The following FAM149A variants were observed in gnomAD, a reference collection of about 807,000 sequenced individuals.
FAM149A encodes protein FAM149A.
A neutral mutation model predicts 78.2 loss-of-function variants in FAM149A; 71 were observed. The observed-to-expected ratio is 0.91, with a 90% CI of 0.75 to 1.11. FAM149A has a LOEUF of 1.11. Among genes scored for constraint, FAM149A ranks in the 50% least tolerant of loss-of-function variants. FAM149A has a pLI of 0.00. For synonymous variants in FAM149A, 446 were observed against 410.5 expected (o/e 1.09, Z -1.04); for missense variants, 1,036 against 971.0 (o/e 1.07, Z -0.89).
intron 1 of FAM149A, chr4:186,123,802 A>G (rs1222142265): frequency 6.1e-6 from 6 of 981,510 alleles, no homozygotes; most frequent in Non-Finnish European, 7.3e-6. Flanking sequence ...GAGTAAAATG[A>G]AATCCCAGAC....
intron 3 of FAM149A, among the ~76,000 whole-genome samples, chr4:186,151,399 A>AT (rs961296488): frequency 1.1e-4 from 16 of 151,668 alleles, no homozygotes; most frequent in Admixed American, 6.6e-4. Flanking sequence ...ATAACTAAGG[A>AT]TTTTTTTTTC....
At chr4:186,138,389 G>C (rs534697075) in intron 1 of FAM149A, among the ~76,000 whole-genome samples, 1 of 152,208 alleles carries the variant, frequency 6.6e-6, no homozygotes, top group Non-Finnish European at 1.5e-5. Context: ...TTAGCAAATA[G>C]GTGAATTTGC....
At chr4:186,158,089 C>T in intron 8 of FAM149A, 1 of 1,346,132 alleles carries the variant, frequency 7.4e-7, no homozygotes, top group Non-Finnish European at 9.8e-7. Flanking sequence ...GCAGCTCGTG[C>T]CATTGTTGCT....
chr4:186,162,546 C>T (rs1429108108), intron 8 of FAM149A, among the ~76,000 whole-genome samples: 1 of 152,186 alleles, frequency 6.6e-6, no homozygotes, highest in Non-Finnish European at 1.5e-5. Context: ...GGGCTGGTGG[C>T]GTTCCTACCC....
intron 1 of FAM149A, among the ~76,000 whole-genome samples, chr4:186,139,453 C>T (rs1367451177): frequency 6.6e-6 from 1 of 152,102 alleles, no homozygotes; most frequent in African/African-American, 2.4e-5. Context: ...GGATTCATGC[C>T]TTTATGAAGG....
chr4:186,154,834 G>A (rs775176205), intron 6 of FAM149A, 196 bp downstream of exon 6: 148 of 985,412 alleles, frequency 1.5e-4, no homozygotes, highest in Non-Finnish European at 1.7e-4. Flanking sequence ...AGCGAAGAGG[G>A]TGTTCAGTGC....
intron 8 of FAM149A, chr4:186,160,801 C>T (rs1167646469): frequency 2.1e-6 from 2 of 967,408 alleles, no homozygotes; most frequent in East Asian, 1.1e-4. Context: ...CACACACACA[C>T]ATCTCCCCAC....
chr4:186,161,388 G>A (rs1277400364), intron 8 of FAM149A, among the ~76,000 whole-genome samples: 1 of 152,158 alleles, frequency 6.6e-6, no homozygotes, highest in Non-Finnish European at 1.5e-5. Context: ...GGAGCAGTGG[G>A]GAGAACAGAG....
At chr4:186,165,644 G>A (rs1381703280) in intron 11 of FAM149A, among the ~76,000 whole-genome samples, 180 bp downstream of exon 11, 2 of 152,256 alleles carry the variant, frequency 1.3e-5, no homozygotes, top group Admixed American at 6.5e-5. Flanking sequence ...TTTACAGGGA[G>A]TGAGAGGCTT....
At chr4:186,146,438 G>A in intron 1 of FAM149A, 1 of 984,924 alleles carries the variant, frequency 1.0e-6, no homozygotes, top group Non-Finnish European at 1.2e-6. Context: ...TGGGAAGCCT[G>A]GTCCTGGAAA....
intron 8 of FAM149A, among the ~76,000 whole-genome samples, chr4:186,161,180 T>C (rs1579919552): frequency 6.6e-6 from 1 of 152,094 alleles, no homozygotes. Flanking sequence ...CCTCTGGGAG[T>C]CAGAAGAAAA....
intron 1 of FAM149A, among the ~76,000 whole-genome samples, chr4:186,113,278 T>A (rs2099312081): frequency 1.6e-5 from 2 of 121,496 alleles, no homozygotes; most frequent in Non-Finnish European, 3.4e-5. Context: ...TCTATTTGAT[T>A]CTTCTCTCTT....
At chr4:186,137,740 C>T (rs1188673922) in intron 1 of FAM149A, among the ~76,000 whole-genome samples, 1 of 151,890 alleles carries the variant, frequency 6.6e-6, no homozygotes, top group African/African-American at 2.4e-5. Context: ...CTAGAACATG[C>T]TCATAAAAGA....
At chr4:186,109,825 T>C in intron 1 of FAM149A, 3 of 985,378 alleles carry the variant, frequency 3.0e-6, no homozygotes, top group Non-Finnish European at 3.6e-6. Flanking sequence ...TTAGTTCAGT[T>C]ATTTGGGAGA....
intron 1 of FAM149A, among the ~76,000 whole-genome samples, chr4:186,121,811 G>A (rs1285600909): frequency 6.6e-6 from 1 of 152,180 alleles, no homozygotes; most frequent in Non-Finnish European, 1.5e-5. Context: ...TTTTGTCTCT[G>A]TCTTGCTTTT....
At chr4:186,127,276 C>T in intron 1 of FAM149A, 8 of 979,594 alleles carry the variant, frequency 8.2e-6, no homozygotes, top group Non-Finnish European at 9.7e-6. Flanking sequence ...TCGGTTTCTT[C>T]CGGAGAGTTA....
chr4:186,123,260 T>A (rs552911293), intron 1 of FAM149A: 3 of 985,228 alleles, frequency 3.0e-6, no homozygotes, highest in Non-Finnish European at 3.6e-6. Context: ...GTATAGTTTA[T>A]TTTTGGCAAA....
At chr4:186,155,914 A>G (rs1470326453) in intron 6 of FAM149A, 86 bp from the exon 7 acceptor site, 14 of 1,023,012 alleles carry the variant, frequency 1.4e-5, no homozygotes, top group East Asian at 1.0e-4. Context: ...ATATGTATAC[A>G]TGTACATACG....
chr4:186,166,521 C>A (rs1053026808), intron 11 of FAM149A, among the ~76,000 whole-genome samples: 3 of 151,956 alleles, frequency 2.0e-5, no homozygotes, highest in Admixed American at 6.6e-5. Flanking sequence ...TGTGGTGGCA[C>A]GTGCCTGTAA....
Sources: allele counts gnomAD v4.1 joint callset (sites outside exome capture counted in the v4.1 genomes callset), GRCh38; gene constraint gnomAD v4.1.1; transcripts MANE v1.5; gene names NCBI Gene and HGNC (gene_info 2026-07-23, HGNC 2026-07-21).